The following DPP10 variants were observed in gnomAD, a reference collection of about 807,000 sequenced individuals.
DPP10 encodes dipeptidyl peptidase like 10.
DPP10 carries 33 observed loss-of-function variants against 120.9 expected under a neutral mutation model. The observed-to-expected ratio is 0.27, with a 90% CI of 0.21 to 0.37. The LOEUF (loss-of-function observed/expected upper bound fraction) is 0.37. Ranked by LOEUF, DPP10 falls within the 10% of genes least tolerant of loss-of-function variation. The probability of loss-of-function intolerance (pLI) is 1.00; values close to 1 mark genes in which losing one functional copy is unlikely to be tolerated. For missense variants in DPP10, 816 were observed against 942.8 expected, an observed-to-expected ratio of 0.87 and a Z score of 1.76; for synonymous variants, 337 against 326.1, an observed-to-expected ratio of 1.03 and a Z score of -0.36.
In DPP10 at chr2:115,836,584, A is replaced by T; in HGVS notation, c.2109+19A>T. 6 of 1,612,660 alleles carry T rather than the reference A, an allele frequency of 3.7e-6. No homozygotes were observed. The highest frequency in any genetic ancestry group is 4.2e-6 in the Non-Finnish European group (5 of 1,179,552). On this transcript the variant is annotated intron_variant, in intron 23 of 25. Transcript: ENST00000410059. Reference sequence around the variant, plus strand: ...TTACCAGGTAACTAATTTGAAAATAACAAAGAAAGAGGAGTATTTTTGTTC... The same window carrying T: ...TTACCAGGTAACTAATTTGAAAATATCAAAGAAAGAGGAGTATTTTTGTTC...
At chr2:115,254,125 C>T (rs1438197284) in intron 1 of DPP10, among the ~76,000 whole-genome samples, 3 of 152,202 alleles carry the variant, frequency 2.0e-5, no homozygotes, top group Non-Finnish European at 4.4e-5. Context: ...AAAGACATAC[C>T]TGAGACTGGG....
rs538358080 is a variant in DPP10, at chr2:115,213,176, G to A, written c.61-96063G>A. Among the ~76,000 whole-genome samples the A allele has an allele frequency of 4.6e-5, 7 of 152,264 alleles. No individual in the cohort carries two copies. In the East Asian group the frequency reaches 1.4e-3, roughly 29 times the overall value. On this transcript the variant is annotated intron_variant, in intron 1 of 25. Transcript: ENST00000410059. ...AGGACTCACTGGAGATAGCTGGGGTGTATATCTCCCCTTGCCCTAGGAGGA... is the reference window on the plus strand; with the variant it reads ...AGGACTCACTGGAGATAGCTGGGGTATATATCTCCCCTTGCCCTAGGAGGA...
chr2:115,753,307 A>T lies in DPP10; in HGVS notation c.1074+10A>T. The T allele has an allele frequency of 6.3e-7, 1 of 1,590,130 alleles. No individual in the cohort carries two copies. Among genetic ancestry groups the T allele is most frequent in the South Asian group, 1.1e-5 (1 of 87,022 alleles). Reference sequence around the variant, plus strand: ...AGGTGCTTGTAGTAAAGTGAGTATAATTTATTTTTCTTTTATGCCTAAAAT... The same window carrying T: ...AGGTGCTTGTAGTAAAGTGAGTATATTTTATTTTTCTTTTATGCCTAAAAT... On this transcript the variant is annotated intron_variant, in intron 11 of 25. Transcript: ENST00000410059.
intron 1 of DPP10, among the ~76,000 whole-genome samples, chr2:114,645,937 G>A (rs147299026): frequency 0.026 from 3,895 of 152,078 alleles, 90 homozygotes; most frequent in South Asian, 0.053. Context: ...CAAGGCAGGC[G>A]GATCATGAGG....
intron 5 of DPP10, among the ~76,000 whole-genome samples, chr2:115,641,234 A>G (rs1413923847): frequency 6.6e-6 from 1 of 152,100 alleles, no homozygotes; most frequent in African/African-American, 2.4e-5. Flanking sequence ...ACAAGAGTCC[A>G]TCGTCTACTC....
chr2:114,803,104 A>G (rs1374196883), intron 1 of DPP10, among the ~76,000 whole-genome samples: 1 of 152,122 alleles, frequency 6.6e-6, no homozygotes, highest in African/African-American at 2.4e-5. Flanking sequence ...TTCCCATGCT[A>G]TTCTCATGAT....
chr2:115,162,051 AG>A (rs1237997387), intron 1 of DPP10: 1 of 1,425,726 alleles, frequency 7.0e-7, no homozygotes, highest in Admixed American at 3.0e-5. Flanking sequence ...AGCCGCGGCC[AG>A]GCCCTCCCGG....
intron 1 of DPP10, among the ~76,000 whole-genome samples, chr2:115,238,301 T>A (rs1227203386): frequency 6.6e-6 from 1 of 152,170 alleles, no homozygotes. Flanking sequence ...ACTCAATATT[T>A]TTAAGCCCAC....
chr2:115,239,605 A>G (rs572863277), intron 1 of DPP10, among the ~76,000 whole-genome samples: 1 of 152,262 alleles, frequency 6.6e-6, no homozygotes, highest in Non-Finnish European at 1.5e-5. Flanking sequence ...ATATAAACAT[A>G]ACTTTTTTTT....
chr2:114,603,365 A>G (rs974194477), intron 1 of DPP10, among the ~76,000 whole-genome samples: 1 of 152,082 alleles, frequency 6.6e-6, no homozygotes, highest in African/African-American at 2.4e-5. Context: ...GCAACTCATG[A>G]TTCACCATCT....
At chr2:114,670,134 C>T (rs1247938720) in intron 1 of DPP10, among the ~76,000 whole-genome samples, 1 of 152,014 alleles carries the variant, frequency 6.6e-6, no homozygotes. Context: ...GATCTAGAAC[C>T]AGAAATACCA....
chr2:114,826,497 G>A (rs1468018527), intron 1 of DPP10, among the ~76,000 whole-genome samples: 1 of 152,106 alleles, frequency 6.6e-6, no homozygotes, highest in Non-Finnish European at 1.5e-5. Flanking sequence ...TGTGGCATGG[G>A]AGCTTTTGGA....
intron 4 of DPP10, 91 bp from the exon 5 acceptor site, chr2:115,525,807 T>G: frequency 1.2e-6 from 1 of 857,182 alleles, no homozygotes; most frequent in Non-Finnish European, 1.8e-6. Context: ...CATTTTATAG[T>G]GCTATGAAAA....
intron 5 of DPP10, among the ~76,000 whole-genome samples, chr2:115,527,061 T>C (rs1213645960): frequency 6.6e-6 from 1 of 152,138 alleles, no homozygotes; most frequent in Non-Finnish European, 1.5e-5. Flanking sequence ...TAACATAACA[T>C]TATCTGAAAA....
intron 5 of DPP10, among the ~76,000 whole-genome samples, chr2:115,527,172 A>C (rs1293253862): frequency 6.6e-6 from 1 of 152,136 alleles, no homozygotes; most frequent in Non-Finnish European, 1.5e-5. Context: ...GCAGTAGGAC[A>C]AACACATAGA....
At chr2:115,323,213 A>G (rs2062156420) in intron 2 of DPP10, among the ~76,000 whole-genome samples, 1 of 152,168 alleles carries the variant, frequency 6.6e-6, no homozygotes, top group Non-Finnish European at 1.5e-5. Context: ...TGTCACGTCA[A>G]CAGTGTTTAC....
In DPP10 at chr2:114,994,891, A is replaced by C. The variant is rs557863191; in HGVS notation, c.61-314348A>C. 2.6e-5 allele frequency among the ~76,000 whole-genome samples: 4 copies of C among 152,338 alleles called. No homozygotes were observed. The South Asian group carries it at 8.3e-4, about 32-fold the overall frequency. On this transcript the variant is annotated intron_variant, in intron 1 of 25. Coordinates refer to ENST00000410059, the MANE Select transcript of DPP10 (RefSeq NM_020868.6). ...TATCAATTCTAATATTGCACTTGCC[A>C]TACTGCATTTATTTCTGCATAGAAT...
intron 3 of DPP10, among the ~76,000 whole-genome samples, chr2:115,348,366 T>G (rs1032754871): frequency 1.3e-5 from 2 of 152,166 alleles, no homozygotes; most frequent in African/African-American, 4.8e-5. Context: ...AAAACAGCAT[T>G]GATAGTATGT....
intron 3 of DPP10, among the ~76,000 whole-genome samples, chr2:115,400,981 C>G (rs1155664): frequency 6.6e-6 from 1 of 152,036 alleles, no homozygotes. Flanking sequence ...AACAACTGAG[C>G]AAAACATTTG....
Sources: gnomAD v4.1 joint callset for allele counts (sites outside exome capture counted in the v4.1 genomes callset) on GRCh38, gnomAD v4.1.1 for gene constraint, MANE v1.5 for transcripts, NCBI Gene and HGNC (gene_info 2026-07-23, HGNC 2026-07-21) for gene names.